VPS13D: variants seen among roughly 807,000 people sequenced by gnomAD.
VPS13D encodes the protein intermembrane lipid transfer protein VPS13D.
VPS13D carries 187 observed loss-of-function variants against 461.9 expected under a neutral mutation model. The observed-to-expected ratio is 0.40, with a 90% CI of 0.36 to 0.46. The LOEUF is 0.46. Among genes scored for constraint, VPS13D ranks in the 20% least tolerant of loss-of-function variants. VPS13D has a pLI of 0.60. For synonymous variants in VPS13D, 1,951 were observed against 1,986.3 expected, an observed-to-expected ratio of 0.98 and a Z score of 0.47; for missense variants, 4,711 against 5,364.9, an observed-to-expected ratio of 0.88 and a Z score of 3.81.
chr1:12,361,161 T>C (rs1316275734), intron 50 of VPS13D, among the ~76,000 whole-genome samples: 1 of 152,150 alleles, frequency 6.6e-6, no homozygotes, highest in Non-Finnish European at 1.5e-5. Context: ...GGGGATTCAG[T>C]GTAAAGCCTT....
chr1:12,476,501 T>C (rs1645633099), intron 67 of VPS13D, among the ~76,000 whole-genome samples: 1 of 152,202 alleles, frequency 6.6e-6, no homozygotes, highest in South Asian at 2.1e-4. Flanking sequence ...ACCTGCGTGA[T>C]CATGTGAGTG....
intron 63 of VPS13D, 67 bp from the exon 64 acceptor site, chr1:12,415,020 A>G: frequency 1.3e-6 from 2 of 1,562,114 alleles, no homozygotes; most frequent in South Asian, 1.2e-5. Context: ...AATGGAATCT[A>G]GAATTATAGT....
intron 65 of VPS13D, among the ~76,000 whole-genome samples, chr1:12,424,858 A>C (rs1207455660): frequency 6.6e-6 from 1 of 152,184 alleles, no homozygotes; most frequent in Non-Finnish European, 1.5e-5. Flanking sequence ...TGTGTGGTAG[A>C]AAAGTATATT....
intron 38 of VPS13D, among the ~76,000 whole-genome samples, chr1:12,335,338 AT>A (rs1247900734): frequency 3.2e-4 from 49 of 152,228 alleles, no homozygotes; most frequent in African/African-American, 1.2e-3. Flanking sequence ...AAGTGCTGAG[AT>A]TACAGGCGTG....
intron 55 of VPS13D, among the ~76,000 whole-genome samples, chr1:12,376,782 G>A (rs1299525835): frequency 6.6e-6 from 1 of 152,204 alleles, no homozygotes; most frequent in Non-Finnish European, 1.5e-5. Flanking sequence ...TTCCTGCCTA[G>A]TGGGAGTGTA....
intron 13 of VPS13D, 45 bp from the exon 14 acceptor site, chr1:12,266,836 G>T (rs11121893): frequency 7.1e-7 from 1 of 1,415,532 alleles, no homozygotes; most frequent in Non-Finnish European, 9.4e-7. Flanking sequence ...AAACACATTA[G>T]GCTCTCATAA....
intron 68 of VPS13D, among the ~76,000 whole-genome samples, chr1:12,501,225 C>T (rs1025546649): frequency 3.9e-5 from 6 of 152,144 alleles, no homozygotes; most frequent in East Asian, 3.9e-4. Flanking sequence ...TTTTTGAGCG[C>T]ACCATATAAT....
chr1:12,425,710 A>G (rs1440352768), intron 65 of VPS13D, among the ~76,000 whole-genome samples: 1 of 142,548 alleles, frequency 7.0e-6, no homozygotes, highest in Non-Finnish European at 1.5e-5. Context: ...GAAGGGAGGA[A>G]GAGAGGGAGG....
Position 12,369,832 on chromosome 1 carries a change from G to A in VPS13D, c.10808+130G>A, listed in dbSNP as rs188905497. On this transcript the variant is annotated intron_variant, in intron 54 of 69. Coordinates refer to ENST00000620676, the MANE Select transcript of VPS13D (RefSeq NM_015378.4). ...TTCTTTCATTCTTTACCAAACCCTG[G>A]GCTCAGTGTCTATCTTAAGAGGTCA... 2.2e-3 allele frequency: 1,852 copies of A among 835,132 alleles called. 11 individuals are homozygous for A. Among genetic ancestry groups the A allele is most frequent in the Non-Finnish European group, 2.1e-3 (1,134 of 550,772 alleles). 51.7% of individuals were successfully genotyped at this position (835,132 alleles called of 1,614,324 possible).
chr1:12,288,625 A>G (rs1642040567), intron 22 of VPS13D, among the ~76,000 whole-genome samples: 1 of 151,016 alleles, frequency 6.6e-6, no homozygotes, highest in African/African-American at 2.4e-5. Context: ...AACAGACTCT[A>G]TCTAGGGTGC....
chr1:12,266,804 A>G, intron 13 of VPS13D, 77 bp from the exon 14 acceptor site: 2 of 1,261,268 alleles, frequency 1.6e-6, no homozygotes, highest in South Asian at 4.0e-5. Flanking sequence ...CTTCTGTAAA[A>G]TAGAATATCT....
chr1:12,300,207 CTT>C (rs35299447), intron 25 of VPS13D, among the ~76,000 whole-genome samples: 6 of 123,306 alleles, frequency 4.9e-5, no homozygotes, highest in Admixed American at 9.2e-5. Flanking sequence ...ATTTGCTTTG[CTT>C]TTTTTTTTTT....
At position 12,335,746 on chromosome 1, in the gene VPS13D, T is replaced by G; in HGVS notation, c.8470T>G (p.Cys2824Gly). The change falls in exon 39 of 70, where the codon TGT (cysteine) becomes GGT (glycine). Residue 2824 changes from cysteine (C) to glycine (G), a missense_variant. Physicochemically the swap from Cys to Gly is radical, Grantham distance 159. This residue lies in a region of VPS13D where 4,411 missense variants were observed against 4,937.8 expected (regional missense o/e 0.89). Coordinates refer to ENST00000620676, the MANE Select transcript of VPS13D (RefSeq NM_015378.4). ...CAAGGAATCGTGGATGGCAGATTAC[T>G]GTAAAGATGACAAGGACATAGAGTC... ...STKESWMADY[C>G]KDDKDIESAK... 1 of 1,614,180 alleles carries G rather than the reference T, an allele frequency of 6.2e-7. No individual in the cohort carries two copies. Among genetic ancestry groups the G allele is most frequent in the Non-Finnish European group, 8.5e-7 (1 of 1,179,998 alleles).
At chr1:12,497,067 T>TA in intron 67 of VPS13D, 1 of 153,200 alleles carries the variant, frequency 6.5e-6, no homozygotes, top group Non-Finnish European at 1.5e-5. Context: ...AAGAGAGGCC[T>TA]AAAAAAGAGG....
At chr1:12,470,583 G>T (rs529844334) in intron 67 of VPS13D, among the ~76,000 whole-genome samples, 2 of 152,282 alleles carry the variant, frequency 1.3e-5, no homozygotes, top group East Asian at 3.9e-4. Flanking sequence ...ATTGAGTCTT[G>T]AACTCCTACT....
At chr1:12,465,428 G>C (rs932000911) in intron 67 of VPS13D, among the ~76,000 whole-genome samples, 2 of 152,206 alleles carry the variant, frequency 1.3e-5, no homozygotes, top group Non-Finnish European at 2.9e-5. Flanking sequence ...ATTTAAGTTA[G>C]ATAAGGAGGA....
chr1:12,316,857 T>C (rs1642899947), intron 30 of VPS13D, among the ~76,000 whole-genome samples: 1 of 151,938 alleles, frequency 6.6e-6, no homozygotes, highest in Non-Finnish European at 1.5e-5. Flanking sequence ...TGAGGCCTTA[T>C]CCATTAGTAG....
intron 18 of VPS13D, among the ~76,000 whole-genome samples, chr1:12,273,924 A>T (rs1641530813): frequency 6.6e-6 from 1 of 151,666 alleles, no homozygotes; most frequent in Non-Finnish European, 1.5e-5. Flanking sequence ...TTTCTTTTTT[A>T]TAGACCCCCA....
intron 65 of VPS13D, among the ~76,000 whole-genome samples, chr1:12,425,709 A>G (rs1254972873): frequency 6.6e-6 from 1 of 151,206 alleles, no homozygotes; most frequent in Non-Finnish European, 1.5e-5. Context: ...GGAAGGGAGG[A>G]AGAGAGGGAG....
Sources: gnomAD v4.1 joint callset for allele counts (sites outside exome capture counted in the v4.1 genomes callset) on GRCh38, gnomAD v4.1.1 for gene constraint, gnomAD v4.1.1 regional missense constraint, MANE v1.5 for transcripts, NCBI Gene and HGNC (gene_info 2026-07-23, HGNC 2026-07-21) for gene names.